Variants in SOCS5 observed in about 807,000 individuals in gnomAD.
The protein encoded by SOCS5 is CIS-6.
SOCS5 carries 32 observed loss-of-function variants against 42.8 expected under a neutral mutation model. The ratio of observed to expected loss-of-function variants is 0.75; its 90% CI spans 0.56 to 1.01. The LOEUF (loss-of-function observed/expected upper bound fraction) is 1.01. Among genes scored for constraint, SOCS5 ranks in the 50% least tolerant of loss-of-function variants. SOCS5 has a pLI of 0.00. For synonymous variants in SOCS5, 283 were observed against 229.6 expected (o/e 1.23, Z -2.10); for missense variants, 627 against 653.0 (o/e 0.96, Z 0.43).
At chr2:46,702,970 T>A (rs532358897) in intron 1 of SOCS5, among the ~76,000 whole-genome samples, 2 of 152,220 alleles carry the variant, frequency 1.3e-5, no homozygotes, top group South Asian at 4.1e-4. Context: ...CTCATGCATC[T>A]TTGTGGTCTT....
chr2:46,721,184 A>G (rs1051725210), intron 1 of SOCS5, among the ~76,000 whole-genome samples: 3 of 151,960 alleles, frequency 2.0e-5, no homozygotes, highest in African/African-American at 7.3e-5. Context: ...CATGGAAGAG[A>G]TTTATATGGG....
chr2:46,759,931 T>A lies in SOCS5; in HGVS notation c.1401T>A (p.Phe467Leu), dbSNP rs778150240. The A allele has an allele frequency of 1.9e-6, 3 of 1,614,152 alleles. No individual in the cohort carries two copies. The South Asian group carries it at 3.3e-5, about 18-fold the overall frequency. The change falls in exon 2 of 2, where the codon TTT becomes TTA. Residue 467 changes from phenylalanine (F) to leucine (L), a missense_variant. By Grantham distance (22) the Phe-to-Leu change is conservative (BLOSUM62 0). Transcript: ENST00000394861. ...ATAAAGATCCCAGTTCGTGCATGTTTTTTGAACCATTGCTTACTATATCAC... is the reference window on the plus strand; with the variant it reads ...ATAAAGATCCCAGTTCGTGCATGTTATTTGAACCATTGCTTACTATATCAC... Reference protein sequence around the residue: ...EHYKDPSSCMFFEPLLTISLN... With the variant: ...EHYKDPSSCMLFEPLLTISLN...
At chr2:46,757,361 A>G (rs527971905) in intron 1 of SOCS5, among the ~76,000 whole-genome samples, 1 of 152,310 alleles carries the variant, frequency 6.6e-6, no homozygotes, top group African/African-American at 2.4e-5. Context: ...ACTGAACTAG[A>G]CAGTGTGCCT....
chr2:46,711,546 A>T (rs1672622754), intron 1 of SOCS5, among the ~76,000 whole-genome samples: 1 of 152,016 alleles, frequency 6.6e-6, no homozygotes, highest in East Asian at 1.9e-4. Context: ...TGTGTTAGAG[A>T]TTTTTCTTCC....
chr2:46,719,983 T>C (rs1477574968), intron 1 of SOCS5, among the ~76,000 whole-genome samples: 2 of 152,144 alleles, frequency 1.3e-5, no homozygotes, highest in African/African-American at 4.8e-5. Context: ...AGAAACAATA[T>C]CAAGCTATGA....
chr2:46,731,070 C>T (rs1283928452), intron 1 of SOCS5, among the ~76,000 whole-genome samples: 1 of 152,154 alleles, frequency 6.6e-6, no homozygotes, highest in Non-Finnish European at 1.5e-5. Context: ...AAGATGCGTA[C>T]CATCTGCTGG....
chr2:46,746,210 A>T (rs1673491427), intron 1 of SOCS5, among the ~76,000 whole-genome samples: 1 of 152,280 alleles, frequency 6.6e-6, no homozygotes, highest in South Asian at 2.1e-4. Context: ...GATGGAGAAG[A>T]GGGATAGGCC....
At chr2:46,705,531 C>T (rs568749206) in intron 1 of SOCS5, among the ~76,000 whole-genome samples, 1 of 147,242 alleles carries the variant, frequency 6.8e-6, no homozygotes, top group Non-Finnish European at 1.5e-5. Context: ...TCCTAGATTA[C>T]CAGACAGGAA....
intron 1 of SOCS5, among the ~76,000 whole-genome samples, chr2:46,702,027 C>T (rs909233419): frequency 6.6e-5 from 10 of 151,802 alleles, no homozygotes; most frequent in South Asian, 2.1e-4. Flanking sequence ...TGTATCCCAG[C>T]CCCTTCACAT....
chr2:46,713,163 T>A (rs1248393068), intron 1 of SOCS5, among the ~76,000 whole-genome samples: 1 of 152,128 alleles, frequency 6.6e-6, no homozygotes, highest in Non-Finnish European at 1.5e-5. Context: ...TGAGACCAGC[T>A]TGGGCAACAT....
chr2:46,741,979 C>T (rs1413974987), intron 1 of SOCS5, among the ~76,000 whole-genome samples: 2 of 152,162 alleles, frequency 1.3e-5, no homozygotes, highest in African/African-American at 2.4e-5. Flanking sequence ...CTTTCTGAAA[C>T]GTCATGTGGA....
At chr2:46,723,043 A>G (rs1002904769) in intron 1 of SOCS5, among the ~76,000 whole-genome samples, 2 of 152,032 alleles carry the variant, frequency 1.3e-5, no homozygotes, top group African/African-American at 2.4e-5. Context: ...TTCCTTACAT[A>G]TCCAGGATAC....
At chr2:46,728,924 T>G (rs1185465885) in intron 1 of SOCS5, among the ~76,000 whole-genome samples, 1 of 152,190 alleles carries the variant, frequency 6.6e-6, no homozygotes, top group Non-Finnish European at 1.5e-5. Flanking sequence ...CAAAGTGTGG[T>G]ACCAGGGCTA....
intron 1 of SOCS5, among the ~76,000 whole-genome samples, chr2:46,741,427 C>T (rs1327056750): frequency 6.6e-6 from 1 of 152,076 alleles, no homozygotes; most frequent in African/African-American, 2.4e-5. Flanking sequence ...TTACAAATCC[C>T]AAAGTGTTGG....
chr2:46,743,658 C>G (rs1673427774), intron 1 of SOCS5, among the ~76,000 whole-genome samples: 2 of 152,198 alleles, frequency 1.3e-5, no homozygotes, highest in Admixed American at 1.3e-4. Context: ...CAGTAGGTCT[C>G]AGCCTCATTT....
intron 1 of SOCS5, among the ~76,000 whole-genome samples, chr2:46,701,640 T>G (rs1672346167): frequency 6.6e-6 from 1 of 151,688 alleles, no homozygotes; most frequent in South Asian, 2.1e-4. Flanking sequence ...AGTTGACTAC[T>G]TTTATCCATG....
chr2:46,747,531 T>C (rs1220511052), intron 1 of SOCS5, among the ~76,000 whole-genome samples: 1 of 152,176 alleles, frequency 6.6e-6, no homozygotes, highest in African/African-American at 2.4e-5. Flanking sequence ...CTTTTAAATC[T>C]GTTTTATATC....
chr2:46,731,305 G>T (rs539814053), intron 1 of SOCS5, among the ~76,000 whole-genome samples: 9 of 152,156 alleles, frequency 5.9e-5, no homozygotes, highest in Non-Finnish European at 1.2e-4. Flanking sequence ...ACCATGTGAG[G>T]TTACAGTGAG....
rs934991094 is a variant in SOCS5 at position 46,762,357 on chromosome 2, T to C, written c.*2216T>C. ...AAAAGGACTATATATGTGAGCAAGA[T>C]TGTGTTTTAGAGAGGAAACTTGAAA... On this transcript the variant is annotated 3_prime_UTR_variant, in exon 2 of 2. Coordinates refer to ENST00000394861, the MANE Select transcript of SOCS5 (RefSeq NM_144949.3). 6.0e-6 allele frequency: 1 copy of C among 166,724 alleles called. No individual in the cohort carries two copies. Among genetic ancestry groups the C allele is most frequent in the Non-Finnish European group, 1.5e-5 (1 of 68,054 alleles). The allele number at this position is 166,724 out of a possible 1,614,324, so 10.3% of individuals were successfully genotyped here.
Sources: gnomAD v4.1 joint callset for allele counts (sites outside exome capture counted in the v4.1 genomes callset) on GRCh38, gnomAD v4.1.1 for gene constraint, MANE v1.5 for transcripts, NCBI Gene and HGNC (gene_info 2026-07-23, HGNC 2026-07-21) for gene names.